ITSN2: variants seen among roughly 807,000 people sequenced by gnomAD.
ITSN2 encodes intersectin 2.
Under a neutral mutation model 243.7 loss-of-function variants are expected in ITSN2, and 156 were observed. That is an observed-to-expected ratio of 0.64 (90% CI 0.56 to 0.73). The LOEUF (loss-of-function observed/expected upper bound fraction) is 0.73. ITSN2 is among the 30% of genes least tolerant of loss of function. ITSN2 has a pLI of 0.00. For synonymous variants in ITSN2, 703 were observed against 699.9 expected, an observed-to-expected ratio of 1.00 and a Z score of -0.07; for missense variants, 1,801 against 1,996.1, an observed-to-expected ratio of 0.90 and a Z score of 1.86.
intron 1 of ITSN2, among the ~76,000 whole-genome samples, chr2:24,332,000 T>G (rs1463003560): frequency 6.6e-6 from 1 of 152,162 alleles, no homozygotes; most frequent in African/African-American, 2.4e-5. Flanking sequence ...TCCCAGCACT[T>G]TGGGAGGCCA....
chr2:24,337,277 GTA>G (rs1239139632), intron 1 of ITSN2, among the ~76,000 whole-genome samples: 183 of 2,862 alleles, frequency 0.064, 1 homozygote, highest in African/African-American at 0.079. Context: ...GTGTCTATAT[GTA>G]TGTATGTGTG....
chr2:24,219,718 G>A (rs1670273158), intron 30 of ITSN2, among the ~76,000 whole-genome samples: 1 of 152,182 alleles, frequency 6.6e-6, no homozygotes, highest in Non-Finnish European at 1.5e-5. Flanking sequence ...AGCACCCGGT[G>A]CCTGCTCACC....
At chr2:24,230,050 A>C (rs1305465252) in intron 29 of ITSN2, among the ~76,000 whole-genome samples, 1 of 151,918 alleles carries the variant, frequency 6.6e-6, no homozygotes, top group African/African-American at 2.4e-5. Context: ...CCAAATTTAC[A>C]CTCCAGCCTG....
At chr2:24,260,863 C>T (rs548290192) in intron 22 of ITSN2, among the ~76,000 whole-genome samples, 17 of 135,340 alleles carry the variant, frequency 1.3e-4, no homozygotes, top group Non-Finnish European at 1.8e-4. Context: ...GAGACTGCAC[C>T]ATTGCACTCC....
intron 10 of ITSN2, 87 bp from the exon 11 acceptor site, chr2:24,301,326 T>C: frequency 2.9e-6 from 2 of 697,370 alleles, no homozygotes; most frequent in South Asian, 4.4e-5. Flanking sequence ...TTATGGCAAT[T>C]TGATATTGGG....
chr2:24,229,194 A>C (rs1671337283), intron 29 of ITSN2, among the ~76,000 whole-genome samples: 1 of 152,272 alleles, frequency 6.6e-6, no homozygotes, highest in African/African-American at 2.4e-5. Flanking sequence ...AGTTTAATAT[A>C]GTTCTCTCAA....
chr2:24,222,208 CA>C (rs1670528676), intron 29 of ITSN2, among the ~76,000 whole-genome samples: 1 of 142,498 alleles, frequency 7.0e-6, no homozygotes, highest in Admixed American at 7.4e-5. Flanking sequence ...GCCGAGATCG[CA>C]CCACTGCACT....
chr2:24,210,948 C>A lies in ITSN2; in HGVS notation c.4090-1G>T. ...GGCTCTCCGGGGTGTTCTCCAGAAT[C>A]TGGAAAAGAGTGGGCAGTGTCACAT... On this transcript the variant is annotated splice_acceptor_variant, in intron 33 of 39. Transcript: ENST00000355123. LOFTEE classifies it high-confidence loss of function. 6.2e-7 allele frequency: 1 copy of A among 1,614,082 alleles called. No individual in the cohort carries two copies. Among genetic ancestry groups the A allele is most frequent in the Non-Finnish European group, 8.5e-7 (1 of 1,179,932 alleles).
At chr2:24,279,068 C>A (rs1475849699) in intron 17 of ITSN2, among the ~76,000 whole-genome samples, 1 of 152,160 alleles carries the variant, frequency 6.6e-6, no homozygotes, top group African/African-American at 2.4e-5. Context: ...TAAATTTTAT[C>A]AAAAACCTTT....
intron 36 of ITSN2, among the ~76,000 whole-genome samples, chr2:24,208,543 G>A (rs1216775446): frequency 1.3e-5 from 2 of 152,222 alleles, no homozygotes; most frequent in African/African-American, 4.8e-5. Context: ...GCACTCGCAA[G>A]GCGCTGGGAC....
At chr2:24,342,635 T>C (rs370160914) in intron 1 of ITSN2, among the ~76,000 whole-genome samples, 5 of 151,164 alleles carry the variant, frequency 3.3e-5, no homozygotes, top group African/African-American at 1.2e-4. Flanking sequence ...CAACCAGATA[T>C]GTGCATTTCA....
intron 1 of ITSN2, among the ~76,000 whole-genome samples, chr2:24,331,652 A>G (rs1685797636): frequency 6.6e-6 from 1 of 152,122 alleles, no homozygotes; most frequent in African/African-American, 2.4e-5. Context: ...GCAGAGACTT[A>G]ACTCCCTTAA....
chr2:24,335,727 C>G (rs1014659662), intron 1 of ITSN2, among the ~76,000 whole-genome samples: 1 of 152,012 alleles, frequency 6.6e-6, no homozygotes, highest in Admixed American at 6.5e-5. Context: ...CAACCTCCGC[C>G]TCCCTGGTTC....
At chr2:24,256,806 G>C (rs181899333) in intron 23 of ITSN2, among the ~76,000 whole-genome samples, 2 of 152,210 alleles carry the variant, frequency 1.3e-5, no homozygotes, top group Admixed American at 1.3e-4. Flanking sequence ...TCTAATAAGG[G>C]ACATTGGTTT....
chr2:24,279,974 C>T (rs1678560631), intron 17 of ITSN2, among the ~76,000 whole-genome samples: 1 of 151,926 alleles, frequency 6.6e-6, no homozygotes, highest in Non-Finnish European at 1.5e-5. Flanking sequence ...TCTCATGATC[C>T]ACCCGCCTCA....
intron 20 of ITSN2, among the ~76,000 whole-genome samples, chr2:24,264,960 TTTG>T (rs1005563085): frequency 1.3e-5 from 2 of 152,070 alleles, no homozygotes; most frequent in African/African-American, 4.8e-5. Context: ...TGCTGAGATT[TTTG>T]TTGTTGTTGT....
chr2:24,227,237 C>G (rs1442233349), intron 29 of ITSN2, among the ~76,000 whole-genome samples: 2 of 150,232 alleles, frequency 1.3e-5, no homozygotes, highest in Non-Finnish European at 2.9e-5. Context: ...ACAACTGTGG[C>G]TCCATGAGAT....
chr2:24,304,704 G>GA (rs1391079842), intron 8 of ITSN2, among the ~76,000 whole-genome samples: 1 of 152,032 alleles, frequency 6.6e-6, no homozygotes, highest in Non-Finnish European at 1.5e-5. Flanking sequence ...CTTTTGGACC[G>GA]AAAAAAGATC....
intron 1 of ITSN2, among the ~76,000 whole-genome samples, chr2:24,331,749 C>T (rs957096855): frequency 3.9e-5 from 6 of 152,192 alleles, no homozygotes; most frequent in South Asian, 2.1e-4. Context: ...GCCACTGAGA[C>T]GGCACCTGTC....
Sources: gnomAD v4.1 joint callset for allele counts (sites outside exome capture counted in the v4.1 genomes callset) on GRCh38, gnomAD v4.1.1 for gene constraint, MANE v1.5 for transcripts, NCBI Gene and HGNC (gene_info 2026-07-23, HGNC 2026-07-21) for gene names.